The following MTF1 variants were observed in gnomAD, a reference collection of about 807,000 sequenced individuals.
MTF1 encodes the protein metal regulatory transcription factor 1, also known as MRE-binding transcription factor.
In MTF1, 22 loss-of-function variants were observed where a neutral mutation model predicts 70.4. The observed-to-expected ratio is 0.31, with a 90% CI of 0.22 to 0.45. The LOEUF is 0.45. Ranked by LOEUF, MTF1 falls within the 20% of genes least tolerant of loss-of-function variation. The pLI is 1.00. For missense variants in MTF1, 649 were observed against 922.0 expected, an observed-to-expected ratio of 0.70 and a Z score of 3.83; for synonymous variants, 333 against 352.8, an observed-to-expected ratio of 0.94 and a Z score of 0.63.
chr1:37,850,546 A>AG (rs1205735433), intron 2 of MTF1, among the ~76,000 whole-genome samples: 1 of 151,560 alleles, frequency 6.6e-6, no homozygotes, highest in African/African-American at 2.4e-5. Flanking sequence ...AGAGAGAAAG[A>AG]GAAAAAAAAG....
intron 1 of MTF1, among the ~76,000 whole-genome samples, chr1:37,858,930 G>T (rs1401975749): frequency 6.6e-6 from 1 of 152,162 alleles, no homozygotes; most frequent in African/African-American, 2.4e-5. Context: ...TTTCAGTCTG[G>T]CTTTGCGCTT....
chr1:37,826,437 T>C, intron 7 of MTF1: 1 of 365,606 alleles, frequency 2.7e-6, no homozygotes, highest in Non-Finnish European at 5.4e-6. Flanking sequence ...CACGCCACCA[T>C]GCCTGGCTGC....
intron 9 of MTF1, among the ~76,000 whole-genome samples, chr1:37,820,446 C>G (rs1337555873): frequency 1.3e-5 from 2 of 152,234 alleles, no homozygotes; most frequent in Non-Finnish European, 2.9e-5. Flanking sequence ...CTTGTGAGCT[C>G]TGTGAACTTC....
At chr1:37,824,533 A>G (rs1010466066) in intron 7 of MTF1, among the ~76,000 whole-genome samples, 1 of 152,186 alleles carries the variant, frequency 6.6e-6, no homozygotes, top group African/African-American at 2.4e-5. Context: ...CCCCGTTTCT[A>G]CTAAAAATAC....
In MTF1 at chr1:37,823,710, CT is replaced by C; in HGVS notation, c.1170del (p.Ala391LeufsTer3). 1 of 1,610,234 alleles carries C rather than the reference CT, an allele frequency of 6.2e-7. No homozygotes were observed. The highest frequency in any genetic ancestry group is 8.5e-7 in the Non-Finnish European group (1 of 1,176,520). ...DTAIQEDPQQ[T>X]ASLTESFNGD... ...AGTAGAAAGAGTCCGTGTGACAAAC[CT>C]GTCTGTTGAGGATCTTCCTGAATTG... On this transcript the variant is annotated frameshift_variant and splice_region_variant, in exon 8 of 11. Coordinates refer to ENST00000373036, the MANE Select transcript of MTF1 (RefSeq NM_005955.3). LOFTEE classifies it high-confidence loss of function.
chr1:37,826,554 T>C (rs1324540818), intron 7 of MTF1: 1 of 455,480 alleles, frequency 2.2e-6, no homozygotes, highest in Non-Finnish European at 4.4e-6. Context: ...ATTACAAGTA[T>C]GAGCCACCAC....
At position 37,832,414 on chromosome 1, in the gene MTF1, A is replaced by G. The variant is rs937875393; in HGVS notation, c.991-92T>C. The stretch of plus-strand genomic sequence containing the variant: ...AAAACATTTGATTACAAAGTCCCTA[A>G]TGTTCCACATGTCTACATGTATTAT... On this transcript the variant is annotated intron_variant, in intron 6 of 10. Transcript: ENST00000373036. 15 of 765,384 alleles carry G rather than the reference A, an allele frequency of 2.0e-5. No homozygotes were observed. In the East Asian group the frequency reaches 4.0e-4, roughly 20 times the overall value. 47.4% of individuals were successfully genotyped at this position (765,384 alleles called of 1,614,324 possible).
At chr1:37,824,466 G>A (rs1640970406) in intron 7 of MTF1, among the ~76,000 whole-genome samples, 1 of 152,202 alleles carries the variant, frequency 6.6e-6, no homozygotes, top group Admixed American at 6.5e-5. Flanking sequence ...GGGAGGCTGG[G>A]GCGGGCAGAT....
intron 1 of MTF1, among the ~76,000 whole-genome samples, chr1:37,858,029 AAAG>A (rs1452541289): frequency 2.6e-5 from 4 of 151,552 alleles, no homozygotes; most frequent in Non-Finnish European, 4.4e-5. Flanking sequence ...AAAAAAAAAA[AAAG>A]AAAAAGAAAG....
In MTF1 at chr1:37,822,511, G is replaced by A. The variant is rs141432343; in HGVS notation, c.1377C>T (p.Gly459=). 3.1e-6 allele frequency: 5 copies of A among 1,613,966 alleles called. No homozygotes were observed. In the African/African-American group the frequency reaches 5.3e-5, roughly 17 times the overall value. Residue 459 remains glycine, a synonymous_variant, in exon 9 of 11, where the codon GGC becomes GGT. Coordinates refer to ENST00000373036, the MANE Select transcript of MTF1 (RefSeq NM_005955.3). ...LGPGSQQAAF[G]NPPALLQPPE... ...GAGGTTGTAAGAGAGCAGGGGGGTT[G>A]CCAAATGCAGCTTGCTGGGAGCCAG...
intron 2 of MTF1, among the ~76,000 whole-genome samples, chr1:37,849,671 C>G (rs1641385552): frequency 6.6e-6 from 1 of 152,094 alleles, no homozygotes. Context: ...ACTAGACCGT[C>G]CTGGCAGGTT....
In MTF1 at chr1:37,811,834, A is replaced by T. The variant is rs1321556089; in HGVS notation, c.*3302T>A. 6.6e-6 allele frequency: 1 copy of T among 152,642 alleles called. No homozygotes were observed. Among genetic ancestry groups the T allele is most frequent in the Non-Finnish European group, 1.5e-5 (1 of 68,044 alleles). The allele number at this position is 152,642 out of a possible 1,614,324, so 9.5% of individuals were successfully genotyped here. On this transcript the variant is annotated 3_prime_UTR_variant, in exon 11 of 11. Coordinates refer to ENST00000373036, the MANE Select transcript of MTF1 (RefSeq NM_005955.3). ...ATGATCTCCTTCTAAACGGAGGTGG[A>T]ATTCAATAAATGACACCACTTCTGT...
rs1376975301 is a variant in MTF1, at chr1:37,850,891, A to G, written c.408+6360T>C. ...AAGCCAAGAAGACCAACTAGTTATC[A>G]AATGATTTGATTTCTCAAGAGTAAC... is the stretch of plus-strand genomic sequence containing the variant. On this transcript the variant is annotated intron_variant, in intron 2 of 10. Transcript: ENST00000373036. 3.9e-5 allele frequency among the ~76,000 whole-genome samples: 6 copies of G among 152,214 alleles called. No individual in the cohort carries two copies. The East Asian group carries it at 1.2e-3, about 29-fold the overall frequency.
intron 10 of MTF1, among the ~76,000 whole-genome samples, chr1:37,817,103 G>A (rs1640830956): frequency 1.3e-5 from 2 of 152,142 alleles, no homozygotes; most frequent in African/African-American, 4.8e-5. Context: ...AGAGTCCAGT[G>A]AATTAACAAC....
In MTF1 at chr1:37,814,976, G is replaced by T. The variant is rs1640792542; in HGVS notation, c.*160C>A. The T allele has an allele frequency of 1.6e-6, 1 of 622,968 alleles. No homozygotes were observed. Among genetic ancestry groups the T allele is most frequent in the Non-Finnish European group, 2.7e-6 (1 of 365,654 alleles). 38.6% of individuals were successfully genotyped at this position (622,968 alleles called of 1,614,324 possible). On this transcript the variant is annotated 3_prime_UTR_variant, in exon 11 of 11. Coordinates refer to ENST00000373036, the MANE Select transcript of MTF1 (RefSeq NM_005955.3). ...TTTCCAAAGAATAGTTCCTTAAAAT[G>T]GATGCTCCTGGGATGTGAATAAAGA...
At chr1:37,851,737 T>C (rs1374434046) in intron 2 of MTF1, among the ~76,000 whole-genome samples, 2 of 152,250 alleles carry the variant, frequency 1.3e-5, no homozygotes, top group East Asian at 1.9e-4. Context: ...TGATGGAGGA[T>C]GGCCTAAAGT....
chr1:37,813,975 A>T lies in MTF1; in HGVS notation c.*1161T>A, dbSNP rs1181079197. On this transcript the variant is annotated 3_prime_UTR_variant, in exon 11 of 11. Transcript: ENST00000373036. Reference sequence around the variant, plus strand: ...TTTGTTTTGCTATACCCTGAGTAGAAGATCATCGTTTTGTGTTTCTTTTTT... The same window carrying T: ...TTTGTTTTGCTATACCCTGAGTAGATGATCATCGTTTTGTGTTTCTTTTTT... 1 of 152,118 alleles carries T rather than the reference A, an allele frequency of 6.6e-6. No homozygotes were observed. Among genetic ancestry groups the T allele is most frequent in the Non-Finnish European group, 1.5e-5 (1 of 67,972 alleles). The allele number at this position is 152,118 out of a possible 1,614,324, so 9.4% of individuals were successfully genotyped here.
At chr1:37,832,689 T>TAA (rs1641107191) in intron 6 of MTF1, among the ~76,000 whole-genome samples, 1 of 152,166 alleles carries the variant, frequency 6.6e-6, no homozygotes, top group Non-Finnish European at 1.5e-5. Context: ...AAGAATATCT[T>TAA]ACATTTCTTA....
chr1:37,847,007 T>C (rs936864387), intron 2 of MTF1, among the ~76,000 whole-genome samples: 5 of 152,120 alleles, frequency 3.3e-5, no homozygotes, highest in African/African-American at 1.2e-4. Context: ...TGTGTCCGAC[T>C]CCATTCCCCA....
Sources: allele counts gnomAD v4.1 joint callset (sites outside exome capture counted in the v4.1 genomes callset), GRCh38; gene constraint gnomAD v4.1.1; transcripts MANE v1.5; gene names NCBI Gene and HGNC (gene_info 2026-07-23, HGNC 2026-07-21).